Variants in NEB observed in about 807,000 individuals in gnomAD.
NEB encodes nebulin.
In NEB, 512 loss-of-function variants were observed where a neutral mutation model predicts 952.2. The ratio of observed to expected loss-of-function variants is 0.54; its 90% CI spans 0.50 to 0.58. NEB has a LOEUF of 0.58. Among genes scored for constraint, NEB ranks in the 20% least tolerant of loss-of-function variants. The pLI, the probability that NEB is intolerant of heterozygous loss-of-function variation, is 0.00. For synonymous variants in NEB, 2,900 were observed against 3,149.8 expected (o/e 0.92, Z 2.66); for missense variants, 8,428 against 9,231.1 (o/e 0.91, Z 3.56).
At chr2:151,706,803 C>A in intron 13 of NEB, 78 bp downstream of exon 13, 2 of 994,040 alleles carry the variant, frequency 2.0e-6, no homozygotes, top group Non-Finnish European at 1.5e-6. Context: ...GTTATATATT[C>A]ATTTAGTCAT....
intron 173 of NEB, 104 bp from the exon 174 acceptor site, chr2:151,494,357 A>C: frequency 1.3e-6 from 1 of 766,202 alleles, no homozygotes; most frequent in Non-Finnish European, 2.2e-6. Flanking sequence ...AGGGCCCCAA[A>C]CCATTTGGGC....
chr2:151,628,857 T>C (rs2154065985), intron 68 of NEB, among the ~76,000 whole-genome samples: 1 of 151,828 alleles, frequency 6.6e-6, no homozygotes, highest in South Asian at 2.1e-4. Flanking sequence ...AGTGAGACTC[T>C]GAGACTCTGT....
At chr2:151,555,112 A>G (rs532462595) in intron 124 of NEB, 68 bp from the exon 125 acceptor site, 3 of 1,128,802 alleles carry the variant, frequency 2.7e-6, no homozygotes, top group Non-Finnish European at 2.7e-6. Flanking sequence ...TTAAAACAGC[A>G]TAAGACTTAA....
In NEB at chr2:151,680,031, G is replaced by C. The variant is rs1559174357; in HGVS notation, c.3043-9C>G. 4.5e-6 allele frequency: 7 copies of C among 1,555,084 alleles called. No homozygotes were observed. The South Asian group carries it at 6.8e-5, about 15-fold the overall frequency. On this transcript the variant is annotated splice_polypyrimidine_tract_variant and intron_variant, in intron 30 of 181. Transcript: ENST00000397345. The stretch of plus-strand genomic sequence containing the variant: ...TTGGCTTTGTAAGCGATCTGAAAGA[G>C]AAAAAAATGCATAAACAAACAAATA...
chr2:151,546,274 C>A (rs1340824147), intron 134 of NEB, 71 bp downstream of exon 134: 30 of 1,222,212 alleles, frequency 2.5e-5, no homozygotes, highest in Non-Finnish European at 3.4e-5. Context: ...TTCTGCCTAG[C>A]CCTGGAGGCT....
chr2:151,498,830 T>C (rs953879684), intron 169 of NEB, among the ~76,000 whole-genome samples: 1 of 151,882 alleles, frequency 6.6e-6, no homozygotes. Context: ...TAATTTTTAG[T>C]TTGGGTGAAC....
chr2:151,548,216 C>T, intron 131 of NEB, 92 bp downstream of exon 131: 3 of 1,057,136 alleles, frequency 2.8e-6, no homozygotes, highest in Non-Finnish European at 1.4e-6. Flanking sequence ...TGTAAGTTTA[C>T]AACTGAAATA....
chr2:151,530,954 G>T, intron 145 of NEB, 40 bp downstream of exon 145: 1 of 1,345,148 alleles, frequency 7.4e-7, no homozygotes, highest in Non-Finnish European at 1.1e-6. Flanking sequence ...TTAGAAGGAG[G>T]CCAAGATGAG....
At chr2:151,489,609 C>G (rs1203531347) in intron 181 of NEB, among the ~76,000 whole-genome samples, 1 of 152,082 alleles carries the variant, frequency 6.6e-6, no homozygotes, top group African/African-American at 2.4e-5. Context: ...GTTGCCTAGG[C>G]TGGTCTCAAA....
chr2:151,684,905 G>A lies in NEB; in HGVS notation c.2708C>T (p.Thr903Ile), dbSNP rs747695332. ...YTAPLDMLQV[T>I]QAKKSQAIAS... ...AATTGCCTGAGATTTCTTAGCTTGAGTGACTTGGAGCATATCAAGAGGTGC... is the reference window on the plus strand; with the variant it reads ...AATTGCCTGAGATTTCTTAGCTTGAATGACTTGGAGCATATCAAGAGGTGC... Residue 903 changes from threonine to isoleucine, a missense_variant, in exon 28 of 182, where the codon ACT becomes ATT. Around this residue, in one of 11 missense-constraint regions of NEB, gnomAD observed 2,851 missense variants for 2,791.5 expected, o/e 1.02. Transcript: ENST00000397345. 7 of 1,613,306 alleles carry A rather than the reference G, an allele frequency of 4.3e-6. No homozygotes were observed. The highest frequency in any genetic ancestry group is 1.7e-4 in the Middle Eastern group (1 of 6,060).
At chr2:151,670,425 C>CCATACAGACGTGTCTCAGAATGAGA (rs59941666) in intron 38 of NEB, among the ~76,000 whole-genome samples, 4,266 of 150,428 alleles carry the variant, frequency 0.028, 196 homozygotes, top group East Asian at 0.12. Context: ...GAATAAGAGT[C>CCATACAGACGTGTCTCAGAATGAGA]CATACAGACG....
intron 156 of NEB, among the ~76,000 whole-genome samples, chr2:151,516,789 C>A (rs937862263): frequency 6.6e-6 from 1 of 152,024 alleles, no homozygotes; most frequent in Admixed American, 6.6e-5. Context: ...GATTTGGATT[C>A]AATTCAAGGA....
At chr2:151,632,157 T>A (rs946852507) in intron 65 of NEB, among the ~76,000 whole-genome samples, 25 of 152,186 alleles carry the variant, frequency 1.6e-4, no homozygotes, top group Admixed American at 4.6e-4. Flanking sequence ...CTCACTTTAT[T>A]AAAAAATTTT....
intron 7 of NEB, 110 bp from the exon 8 acceptor site, chr2:151,724,474 G>C: frequency 1.3e-6 from 1 of 773,808 alleles, no homozygotes; most frequent in Non-Finnish European, 2.2e-6. Context: ...GGTTGCCAAT[G>C]GGTTACTAGG....
intron 12 of NEB, among the ~76,000 whole-genome samples, chr2:151,707,813 G>T (rs892133069): frequency 1.5e-4 from 23 of 152,240 alleles, no homozygotes; most frequent in African/African-American, 5.5e-4. Context: ...AAGGCAATCA[G>T]CTTGGTATCC....
In NEB at chr2:151,725,425, TCTCCTTTATTTCAGCAATGCAGCC is replaced by T. The variant is rs780433390; in HGVS notation, c.402+4_402+27del. 2.0e-5 allele frequency: 31 copies of T among 1,564,412 alleles called. No homozygotes were observed. Among genetic ancestry groups the T allele is most frequent in the Non-Finnish European group, 2.7e-5 (31 of 1,138,356 alleles). On this transcript the variant is annotated splice_donor_5th_base_variant and intron_variant, in intron 6 of 181. Coordinates refer to ENST00000397345, the MANE Select transcript of NEB (RefSeq NM_001164508.2). ...CAGTAGGTGTATTTTGAAATGTCCC[TCTCCTTTATTTCAGCAATGCAGCC>T]CACCTCACTGAGTTGATCTTGTACT...
rs1418948664 is a variant in NEB, at chr2:151,490,062, T to C, written c.25313A>G (p.Lys8438Arg). 2 of 1,609,716 alleles carry C rather than the reference T, an allele frequency of 1.2e-6. No homozygotes were observed. The highest frequency in any genetic ancestry group is 3.4e-5 in the Admixed American group (2 of 59,228). Residue 8438 changes from lysine to arginine, a missense_variant, in exon 181 of 182, where the codon AAA becomes AGA. This residue lies in a region of NEB where 3,374 missense variants were observed against 3,651.5 expected (regional missense o/e 0.92). Transcript: ENST00000397345. ...TCGTTGTTGTGGGAGCTCTGTGGTTTTTGCATGTTTGTAAGCTGAAAAAAA... is the reference window on the plus strand; with the variant it reads ...TCGTTGTTGTGGGAGCTCTGTGGTTCTTGCATGTTTGTAAGCTGAAAAAAA... ...FAVSTAYKHAKTTELPQQRSS... is the reference protein window; with the variant it reads ...FAVSTAYKHARTTELPQQRSS...
chr2:151,485,816 C>T lies in NEB; in HGVS notation c.25522G>A (p.Val8508Met), dbSNP rs756024407. The T allele has an allele frequency of 1.9e-6, 3 of 1,614,042 alleles. No homozygotes were observed. The South Asian group carries it at 3.3e-5, about 18-fold the overall frequency. Residue 8508 changes from valine (V) to methionine (M), a missense_variant, in exon 182 of 182, where the codon GTG becomes ATG. Around this residue, in one of 11 missense-constraint regions of NEB, gnomAD observed 3,374 missense variants for 3,651.5 expected, o/e 0.92. Transcript: ENST00000397345. ...ATTCCGGTCCTGCCAGTCCTCTGCACAGTGCCATACATCCAGCCTTCATCA... is the reference window on the plus strand; with the variant it reads ...ATTCCGGTCCTGCCAGTCCTCTGCATAGTGCCATACATCCAGCCTTCATCA... ...AIDEGWMYGT[V>M]QRTGRTGMLP...
In NEB at chr2:151,570,579, T is replaced by A. The variant is rs201734774; in HGVS notation, c.17036A>T (p.Asp5679Val). The change falls in exon 108 of 182, where the codon GAT (aspartate) becomes GTT (valine). Residue 5679 changes from aspartate to valine, a missense_variant. By Grantham distance (152) the Asp-to-Val change is radical. Coordinates refer to ENST00000397345, the MANE Select transcript of NEB (RefSeq NM_001164508.2). ...VSNKLYREGW[D>V]EMKAGCDVRL... is the part of the protein sequence containing the mutation. The stretch of plus-strand genomic sequence containing the variant: ...GACATCACAGCCCGCCTTCATTTCA[T>A]CCCAGCCCTCACGGTAAAGTTTCTG... 41 of 1,601,442 alleles carry A rather than the reference T, an allele frequency of 2.6e-5. No individual in the cohort carries two copies. In the East Asian group the frequency reaches 8.3e-4, roughly 33 times the overall value.
Sources: allele counts gnomAD v4.1 joint callset (sites outside exome capture counted in the v4.1 genomes callset), GRCh38; gene constraint gnomAD v4.1.1; regional missense constraint gnomAD v4.1.1; transcripts MANE v1.5; gene names NCBI Gene and HGNC (gene_info 2026-07-23, HGNC 2026-07-21).